Variants in PTPRN2 observed in about 807,000 individuals in gnomAD.
The protein encoded by PTPRN2 is protein tyrosine phosphatase receptor type N2.
In PTPRN2, 74 loss-of-function variants were observed where a neutral mutation model predicts 118.8. The observed-to-expected ratio is 0.62, with a 90% CI of 0.52 to 0.76. The LOEUF (loss-of-function observed/expected upper bound fraction) is 0.76, where lower values mean the gene tolerates loss of function less well. Among genes scored for constraint, PTPRN2 ranks in the 30% least tolerant of loss-of-function variants. The pLI, the probability that PTPRN2 is intolerant of heterozygous loss-of-function variation, is 0.00. For synonymous variants in PTPRN2, 641 were observed against 608.0 expected, an observed-to-expected ratio of 1.05 and a Z score of -0.80; for missense variants, 1,481 against 1,394.4, an observed-to-expected ratio of 1.06 and a Z score of -0.99.
rs374169538 is a variant in PTPRN2, at chr7:158,044,000, C to T, written c.1723+37298G>A. On this transcript the variant is annotated intron_variant, in intron 11 of 22. Transcript: ENST00000389418. ...GCAAAGCATAAAGAGAAAGGCCACA[C>T]GCCGAGGCTGTGATGGGCAGTGAGG... 4.8e-4 allele frequency among the ~76,000 whole-genome samples: 73 copies of T among 152,348 alleles called. 1 individual carries two copies. The highest frequency in any genetic ancestry group is 1.7e-3 in the African/African-American group (72 of 41,582).
At chr7:158,432,963 C>G (rs941918724) in intron 2 of PTPRN2, among the ~76,000 whole-genome samples, 1 of 152,190 alleles carries the variant, frequency 6.6e-6, no homozygotes, top group African/African-American at 2.4e-5. Flanking sequence ...AGCCCCGCCC[C>G]CATCCTCTCA....
At chr7:157,752,232 G>T (rs1217530983) in intron 12 of PTPRN2, among the ~76,000 whole-genome samples, 2 of 152,204 alleles carry the variant, frequency 1.3e-5, no homozygotes, top group Non-Finnish European at 2.9e-5. Flanking sequence ...GCTAAGACAG[G>T]TCGGCCATCA....
At chr7:158,076,218 T>C (rs1335211901) in intron 11 of PTPRN2, among the ~76,000 whole-genome samples, 3 of 152,244 alleles carry the variant, frequency 2.0e-5, no homozygotes, top group Non-Finnish European at 4.4e-5. Flanking sequence ...GTTCCTCTTG[T>C]CTTGCTCCAA....
intron 2 of PTPRN2, among the ~76,000 whole-genome samples, chr7:158,386,659 A>C (rs1811409484): frequency 6.6e-6 from 1 of 152,218 alleles, no homozygotes; most frequent in East Asian, 1.9e-4. Flanking sequence ...CTGGAAAAAA[A>C]TGGATCCTTC....
At chr7:157,981,077 A>T (rs967626175) in intron 11 of PTPRN2, among the ~76,000 whole-genome samples, 4 of 152,368 alleles carry the variant, frequency 2.6e-5, no homozygotes, top group Admixed American at 6.5e-5. Flanking sequence ...GTTGTCAGGC[A>T]CTCACACAGT....
At chr7:157,955,209 A>G (rs149978187) in intron 11 of PTPRN2, among the ~76,000 whole-genome samples, 1 of 152,184 alleles carries the variant, frequency 6.6e-6, no homozygotes, top group African/African-American at 2.4e-5. Flanking sequence ...CTATCCAGGC[A>G]CATCTCTTCA....
At chr7:158,330,842 T>G (rs112335581) in intron 2 of PTPRN2, among the ~76,000 whole-genome samples, 3 of 12,254 alleles carry the variant, frequency 2.4e-4, no homozygotes, top group South Asian at 6.8e-3. Flanking sequence ...CACATCCACA[T>G]TCTCACCATA....
In PTPRN2 at chr7:157,674,329, C is replaced by T. The variant is rs968677326; in HGVS notation, c.2001+8396G>A. 2.6e-5 allele frequency among the ~76,000 whole-genome samples: 4 copies of T among 152,144 alleles called. No individual in the cohort carries two copies. Among genetic ancestry groups the T allele is most frequent in the Admixed American group, 6.5e-5 (1 of 15,284 alleles). The stretch of plus-strand genomic sequence containing the variant: ...AGGGTGGGGGGACTCCTGCTGGAGG[C>T]GGCCGGCAGATCAGCCTTCCTTATC... On this transcript the variant is annotated intron_variant, in intron 13 of 22. Coordinates refer to ENST00000389418, the MANE Select transcript of PTPRN2 (RefSeq NM_002847.5). This position sits in a 1 kb window ranked among gnomAD's most constrained non-coding sequence, Gnocchi z 4.5.
rs568842061 is a variant in PTPRN2, at chr7:158,450,941, G to T, written c.163+38794C>A. Among the ~76,000 whole-genome samples, 4 of 152,260 alleles carry T rather than the reference G, an allele frequency of 2.6e-5. No individual in the cohort carries two copies. In the South Asian group the frequency reaches 8.3e-4, roughly 32 times the overall value. The stretch of plus-strand genomic sequence containing the variant: ...CTGCCCACCTGCTGTCCAAGCCCCC[G>T]AGGAGCTCAGAGGTTGTGTATCACA... On this transcript the variant is annotated intron_variant, in intron 2 of 22. Coordinates refer to ENST00000389418, the MANE Select transcript of PTPRN2 (RefSeq NM_002847.5).
chr7:157,688,722 A>C (rs1585241290), intron 12 of PTPRN2, among the ~76,000 whole-genome samples: 1 of 152,182 alleles, frequency 6.6e-6, no homozygotes, highest in East Asian at 1.9e-4. Flanking sequence ...GCCCCAACCC[A>C]AGACCCGCCT....
intron 14 of PTPRN2, among the ~76,000 whole-genome samples, chr7:157,636,973 AG>A (rs1804359294): frequency 6.6e-6 from 1 of 152,348 alleles, no homozygotes; most frequent in African/African-American, 2.4e-5. Context: ...TATTATAACC[AG>A]AAAAAGGAAG....
chr7:158,252,187 C>T (rs76981917), intron 3 of PTPRN2, among the ~76,000 whole-genome samples: 1 of 152,278 alleles, frequency 6.6e-6, no homozygotes, highest in East Asian at 1.9e-4. Flanking sequence ...TGGGTGGGAA[C>T]GCGAGAGCAC....
At chr7:157,758,474 G>A (rs957298267) in intron 12 of PTPRN2, among the ~76,000 whole-genome samples, 3 of 152,218 alleles carry the variant, frequency 2.0e-5, no homozygotes, top group Admixed American at 6.5e-5. Context: ...CCAGACCGTG[G>A]CCCCCGTGCA....
At chr7:158,414,530 G>A (rs969936019) in intron 2 of PTPRN2, among the ~76,000 whole-genome samples, 1 of 152,204 alleles carries the variant, frequency 6.6e-6, no homozygotes, top group African/African-American at 2.4e-5. Context: ...TGTTCTCCGG[G>A]CTCAGCTGTA....
At chr7:157,842,959 C>T (rs534866734) in intron 12 of PTPRN2, among the ~76,000 whole-genome samples, 5 of 152,196 alleles carry the variant, frequency 3.3e-5, no homozygotes, top group Non-Finnish European at 7.3e-5. Flanking sequence ...ATCCACACCG[C>T]AGACACAGAT....
intron 11 of PTPRN2, among the ~76,000 whole-genome samples, chr7:157,908,257 C>A (rs1435564735): frequency 6.6e-6 from 1 of 152,244 alleles, no homozygotes; most frequent in Admixed American, 6.5e-5. Flanking sequence ...GCATGATGTC[C>A]CCTGCGCCCA....
At chr7:157,992,884 C>A (rs147809874) in intron 11 of PTPRN2, among the ~76,000 whole-genome samples, 2 of 152,372 alleles carry the variant, frequency 1.3e-5, no homozygotes, top group Non-Finnish European at 2.9e-5. Context: ...TCAGTTTTGC[C>A]CACGCAGGCC....
At chr7:157,790,488 T>A (rs4716495) in intron 12 of PTPRN2, among the ~76,000 whole-genome samples, 115,122 of 152,002 alleles carry the variant, frequency 0.76, 44,237 homozygotes, top group East Asian at 0.94. Context: ...AGACCAGTAG[T>A]ACAAAACAGA....
At chr7:157,876,311 G>A (rs764839785) in intron 12 of PTPRN2, among the ~76,000 whole-genome samples, 6 of 152,172 alleles carry the variant, frequency 3.9e-5, no homozygotes, top group Non-Finnish European at 8.8e-5. Context: ...CATCCTGGGG[G>A]CCACTCTTCT....
Sources: gnomAD v4.1 joint callset for allele counts (sites outside exome capture counted in the v4.1 genomes callset) on GRCh38, gnomAD v4.1.1 for gene constraint, Gnocchi (gnomAD v3.1) non-coding constraint, MANE v1.5 for transcripts, NCBI Gene and HGNC (gene_info 2026-07-23, HGNC 2026-07-21) for gene names.